Variants in PCNX1 observed in about 807,000 individuals in gnomAD.
PCNX1 encodes pecanex 1.
PCNX1 carries 78 observed loss-of-function variants against 242.2 expected under a neutral mutation model. The observed-to-expected ratio is 0.32, with a 90% confidence interval of 0.27 to 0.39. The LOEUF is 0.39. Ranked by LOEUF, PCNX1 falls within the 10% of genes least tolerant of loss-of-function variation. The probability of loss-of-function intolerance (pLI) is 1.00; values close to 1 mark genes in which losing one functional copy is unlikely to be tolerated. For synonymous variants in PCNX1, 1,024 were observed against 1,032.9 expected (o/e 0.99, Z 0.17); for missense variants, 2,581 against 2,856.5 (o/e 0.90, Z 2.20).
chr14:71,078,639 C>G (rs1555375201), intron 28 of PCNX1: 1 of 152,142 alleles, frequency 6.6e-6, no homozygotes, highest in Non-Finnish European at 1.5e-5. Flanking sequence ...TAATTTTTTT[C>G]TTTCAGCAAA....
chr14:70,963,850 G>T (rs2058295619), intron 3 of PCNX1, among the ~76,000 whole-genome samples: 1 of 152,170 alleles, frequency 6.6e-6, no homozygotes, highest in Non-Finnish European at 1.5e-5. Context: ...AAAGAATACA[G>T]ATACAAATAA....
intron 19 of PCNX1, among the ~76,000 whole-genome samples, chr14:71,039,055 C>T (rs1246405288): frequency 2.6e-5 from 4 of 151,492 alleles, no homozygotes; most frequent in African/African-American, 9.7e-5. Flanking sequence ...GGGAACATCA[C>T]ACTCTGGGGA....
rs770718039 is a variant in PCNX1 at position 70,984,412 on chromosome 14, A to G, written c.2312-4155A>G. Reference sequence around the variant, plus strand: ...TGACATCATTTTTTTTTTGAGACGGAGTCTCACTCTGTTGCCCAGGCTGTA... The same window carrying G: ...TGACATCATTTTTTTTTTGAGACGGGGTCTCACTCTGTTGCCCAGGCTGTA... On this transcript the variant is annotated intron_variant, in intron 6 of 35. Coordinates refer to ENST00000304743, the MANE Select transcript of PCNX1 (RefSeq NM_014982.3). Among the ~76,000 whole-genome samples the G allele has an allele frequency of 9.3e-5, 14 of 150,832 alleles. 1 individual carries two copies. The highest frequency in any genetic ancestry group is 2.1e-4 in the Non-Finnish European group (14 of 67,432).
rs757061357 is a variant in PCNX1, at chr14:70,995,769, T to G, written c.2473T>G (p.Ser825Ala). ...SLQDGQQGQQ[S>A]TAQVKVQSRP... ...TCAAGATGGTCAGCAAGGCCAGCAG[T>G]CCACAGCCCAGGTCAAAGTCCAGTC... Residue 825 changes from serine (S) to alanine (A), a missense_variant, in exon 8 of 36, where the codon TCC (serine) becomes GCC (alanine). Around this residue, in one of 9 missense-constraint regions of PCNX1, gnomAD observed 1,204 missense variants for 1,216.7 expected, o/e 0.99. Coordinates refer to ENST00000304743, the MANE Select transcript of PCNX1 (RefSeq NM_014982.3). 6.2e-7 allele frequency: 1 copy of G among 1,614,110 alleles called. No individual in the cohort carries two copies. Among genetic ancestry groups the G allele is most frequent in the South Asian group, 1.1e-5 (1 of 91,080 alleles).
At chr14:71,060,285 T>C (rs1052221140) in intron 26 of PCNX1, among the ~76,000 whole-genome samples, 3 of 152,202 alleles carry the variant, frequency 2.0e-5, no homozygotes, top group African/African-American at 7.2e-5. Flanking sequence ...CATACAATTA[T>C]GTACAGTACA....
intron 30 of PCNX1, 37 bp downstream of exon 30, chr14:71,089,379 T>A: frequency 6.8e-7 from 1 of 1,476,082 alleles, no homozygotes; most frequent in Non-Finnish European, 9.4e-7. Context: ...ATTACTGGTG[T>A]TTACTGATCC....
intron 2 of PCNX1, among the ~76,000 whole-genome samples, chr14:70,949,256 C>CACATATGTGCATAT (rs1451296087): frequency 4.2e-4 from 10 of 23,860 alleles, no homozygotes; most frequent in African/African-American, 1.2e-3. Context: ...CGTGTATACA[C>CACATATGTGCATAT]ACACACGTGT....
chr14:71,073,721 A>G lies in PCNX1; in HGVS notation c.5029A>G (p.Ser1677Gly), dbSNP rs1400926538. The G allele has an allele frequency of 6.2e-7, 1 of 1,613,960 alleles. No individual in the cohort carries two copies. The highest frequency in any genetic ancestry group is 1.7e-5 in the Admixed American group (1 of 60,000). Residue 1677 changes from serine (S) to glycine (G), a missense_variant, in exon 27 of 36, where the codon AGC (serine) becomes GGC (glycine). Coordinates refer to ENST00000304743, the MANE Select transcript of PCNX1 (RefSeq NM_014982.3). The stretch of plus-strand genomic sequence containing the variant: ...CACAAAGTACATTCTGGAGGGTTAT[A>G]GCATCACTGATAACAGTGCTGCTTC... ...IVTKYILEGY[S>G]ITDNSAASML...
chr14:71,019,107 T>C lies in PCNX1; in HGVS notation c.3095T>C (p.Ile1032Thr). ...CTCATACAAGGATTCTTCAGAGATA[T>C]CTGGGTCTTCCAGTTCTGCCTCGTC... ...ILLIQGFFRDIWVFQFCLVIA... is the reference protein window; with the variant it reads ...ILLIQGFFRDTWVFQFCLVIA... Residue 1032 changes from isoleucine (I) to threonine (T), a missense_variant, in exon 12 of 36, where the codon ATC (isoleucine) becomes ACC (threonine). Transcript: ENST00000304743. 1.2e-6 allele frequency: 2 copies of C among 1,613,570 alleles called. No homozygotes were observed. Among genetic ancestry groups the C allele is most frequent in the Non-Finnish European group, 1.7e-6 (2 of 1,179,670 alleles).
intron 7 of PCNX1, among the ~76,000 whole-genome samples, chr14:70,994,396 G>GATATATATATATGT (rs2059267360): frequency 1.4e-4 from 14 of 96,964 alleles, no homozygotes; most frequent in South Asian, 4.1e-4. Flanking sequence ...ACAGGCTTAA[G>GATATATATATATGT]ATATATATAT....
intron 9 of PCNX1, 48 bp from the exon 10 acceptor site, chr14:71,011,442 ATT>A: frequency 1.0e-6 from 1 of 996,188 alleles, no homozygotes; most frequent in East Asian, 2.4e-5. Context: ...TAAAGGATAT[ATT>A]TTTCTTTCTG....
chr14:71,069,789 T>C (rs2061545405), intron 26 of PCNX1, among the ~76,000 whole-genome samples: 1 of 152,236 alleles, frequency 6.6e-6, no homozygotes, highest in African/African-American at 2.4e-5. Flanking sequence ...TGCCCCGATG[T>C]TGATGGCTGC....
At chr14:71,063,915 TG>T (rs1206019510) in intron 26 of PCNX1, among the ~76,000 whole-genome samples, 1 of 152,184 alleles carries the variant, frequency 6.6e-6, no homozygotes, top group Non-Finnish European at 1.5e-5. Flanking sequence ...AGTCATTTTT[TG>T]TCTATATCAG....
At chr14:70,944,849 TC>T (rs2057396370) in intron 1 of PCNX1, among the ~76,000 whole-genome samples, 1 of 152,190 alleles carries the variant, frequency 6.6e-6, no homozygotes, top group Non-Finnish European at 1.5e-5. Flanking sequence ...ATAAGGGGCT[TC>T]CCCGTTCGCT....
Position 71,009,569 on chromosome 14 carries a change from G to A in PCNX1, c.2630-65G>A. ...AAGATGTAGAAACTTACGAAATTTA[G>A]TATATCATGAAGGAAAAATTCTGAG... is the stretch of plus-strand genomic sequence containing the variant. On this transcript the variant is annotated intron_variant, in intron 8 of 35. Coordinates refer to ENST00000304743, the MANE Select transcript of PCNX1 (RefSeq NM_014982.3). 3 of 906,894 alleles carry A rather than the reference G, an allele frequency of 3.3e-6. No homozygotes were observed. In the South Asian group the frequency reaches 6.7e-5, roughly 20 times the overall value. The allele number at this position is 906,894 out of a possible 1,614,324, so 56.2% of individuals were successfully genotyped here.
At chr14:71,055,398 G>A (rs1483388275) in intron 24 of PCNX1, 106 bp from the exon 25 acceptor site, 3 of 658,332 alleles carry the variant, frequency 4.6e-6, no homozygotes, top group Non-Finnish European at 7.9e-6. Context: ...TTTTCATAAA[G>A]TGATAACCTT....
chr14:71,035,872 G>T (rs958816554), intron 18 of PCNX1, among the ~76,000 whole-genome samples, 193 bp from the exon 19 acceptor site: 1 of 152,140 alleles, frequency 6.6e-6, no homozygotes, highest in Non-Finnish European at 1.5e-5. Flanking sequence ...TTGTCCCACT[G>T]CACTCCATCT....
intron 23 of PCNX1, among the ~76,000 whole-genome samples, chr14:71,051,420 A>T (rs1376690128): frequency 6.6e-6 from 1 of 152,214 alleles, no homozygotes; most frequent in East Asian, 1.9e-4. Context: ...GGTACAAAAC[A>T]TTTTTTCATA....
chr14:71,031,433 C>G (rs908502470), intron 16 of PCNX1, among the ~76,000 whole-genome samples: 7 of 152,188 alleles, frequency 4.6e-5, no homozygotes, highest in Admixed American at 1.3e-4. Flanking sequence ...CACCTGAAAA[C>G]AAGGTCCAGA....
Sources: allele counts gnomAD v4.1 joint callset (sites outside exome capture counted in the v4.1 genomes callset), GRCh38; gene constraint gnomAD v4.1.1; regional missense constraint gnomAD v4.1.1; transcripts MANE v1.5; gene names NCBI Gene and HGNC (gene_info 2026-07-23, HGNC 2026-07-21).